MROH9: variants seen among roughly 807,000 people sequenced by gnomAD.
MROH9 encodes maestro heat like repeat family member 9, also known as maestro heat-like repeat-containing protein family member 9.
In MROH9, 92 loss-of-function variants were observed where a neutral mutation model predicts 98.2. The observed-to-expected ratio is 0.94, with a 90% CI of 0.79 to 1.11. The LOEUF (loss-of-function observed/expected upper bound fraction) is 1.11. Among genes scored for constraint, MROH9 ranks in the 50% most tolerant of loss-of-function variants. The probability of loss-of-function intolerance (pLI) is 0.00; values close to 1 mark genes in which losing one functional copy is unlikely to be tolerated. For missense variants in MROH9, 1,057 were observed against 1,014.8 expected (o/e 1.04, Z -0.57); for synonymous variants, 397 against 368.9 (o/e 1.08, Z -0.87).
chr1:171,019,114 T>C lies in MROH9; in HGVS notation c.1908+2778T>C, dbSNP rs568835083. ...CAAAAGAACTGAAATCATAATACAGTCTCTAAAAACACAGTGCAATCACAT... is the reference window on the plus strand; with the variant it reads ...CAAAAGAACTGAAATCATAATACAGCCTCTAAAAACACAGTGCAATCACAT... On this transcript the variant is annotated intron_variant, in intron 17 of 21. Coordinates refer to ENST00000367759, the MANE Select transcript of MROH9 (RefSeq NM_001163629.2). 7.2e-5 allele frequency among the ~76,000 whole-genome samples: 11 copies of C among 152,154 alleles called. No homozygotes were observed. The East Asian group carries it at 1.7e-3, about 24-fold the overall frequency.
In MROH9 at chr1:171,024,386, C is replaced by G; in HGVS notation, c.1909-9C>G. The stretch of plus-strand genomic sequence containing the variant: ...TATTATCCTCAAATAAGGCCTTTGT[C>G]TTTTACAGATTAATGGAGGCATTCG... On this transcript the variant is annotated splice_polypyrimidine_tract_variant and intron_variant, in intron 17 of 21. Transcript: ENST00000367759. 1 of 1,550,060 alleles carries G rather than the reference C, an allele frequency of 6.5e-7. No homozygotes were observed. The highest frequency in any genetic ancestry group is 8.7e-7 in the Non-Finnish European group (1 of 1,146,490).
chr1:170,949,350 G>A (rs1316236549), intron 3 of MROH9, among the ~76,000 whole-genome samples: 1 of 152,054 alleles, frequency 6.6e-6, no homozygotes, highest in Non-Finnish European at 1.5e-5. Flanking sequence ...GACAAAAGGT[G>A]TATCTAGAAT....
intron 12 of MROH9, among the ~76,000 whole-genome samples, chr1:170,993,901 CTATTT>C (rs780710261): frequency 2.6e-5 from 4 of 152,016 alleles, no homozygotes; most frequent in Non-Finnish European, 5.9e-5. Flanking sequence ...ATTTTTCTCT[CTATTT>C]TAAGTTGTCA....
chr1:170,953,861 AAGAG>A (rs142129185), intron 3 of MROH9, among the ~76,000 whole-genome samples: 63 of 135,434 alleles, frequency 4.7e-4, no homozygotes, highest in South Asian at 8.1e-4. Context: ...AAGAGAAAGA[AAGAG>A]AGAGAGAGAG....
chr1:170,977,373 T>A (rs1282391929), intron 8 of MROH9, among the ~76,000 whole-genome samples: 2 of 152,216 alleles, frequency 1.3e-5, no homozygotes, highest in African/African-American at 4.8e-5. Context: ...TTAACTGCAG[T>A]GGAGATTGAG....
At chr1:170,941,957 G>A (rs535185374) in intron 1 of MROH9, among the ~76,000 whole-genome samples, 22 of 152,264 alleles carry the variant, frequency 1.4e-4, no homozygotes, top group Non-Finnish European at 1.6e-4. Context: ...TTTGGTCCAT[G>A]TTTTAGCCAA....
At chr1:171,018,391 T>C (rs1557900319) in intron 17 of MROH9, among the ~76,000 whole-genome samples, 1 of 149,868 alleles carries the variant, frequency 6.7e-6, no homozygotes, top group East Asian at 1.9e-4. Context: ...AAAAACCCTA[T>C]TCAAATGTCA....
At chr1:171,024,303 GGTGTGT>G (rs3077629) in intron 17 of MROH9, 86 bp from the exon 18 acceptor site, 34 of 670,042 alleles carry the variant, frequency 5.1e-5, no homozygotes, top group Admixed American at 4.6e-4. Context: ...ATTTATATGG[GGTGTGT>G]GTGTGTGTGT....
In MROH9 at chr1:170,996,589, T is replaced by A; in HGVS notation, c.1420T>A (p.Trp474Arg). The A allele has an allele frequency of 1.2e-6, 2 of 1,613,662 alleles. No individual in the cohort carries two copies. The change falls in exon 14 of 22, where the codon TGG (tryptophan) becomes AGG (arginine). Residue 474 changes from tryptophan (W) to arginine (R), a missense_variant. Physicochemically the swap from Trp to Arg is moderately radical, Grantham distance 101 (BLOSUM62 -3). Transcript: ENST00000367759. The part of the protein sequence containing the change: ...VDITLMKENF[W>R]DQLSEDLCYY... ...TATTACTCTAATGAAGGAGAATTTCTGGGACCAGTTATCTGAAGATCTGTG... is the reference window on the plus strand; with the variant it reads ...TATTACTCTAATGAAGGAGAATTTCAGGGACCAGTTATCTGAAGATCTGTG...
Position 170,959,496 on chromosome 1 carries a change from T to C in MROH9, c.187T>C (p.Leu63=), listed in dbSNP as rs190370710. 955 of 1,612,736 alleles carry C rather than the reference T, an allele frequency of 5.9e-4. 5 individuals are homozygous for C. The highest frequency in any genetic ancestry group is 4.1e-3 in the Middle Eastern group (25 of 6,056). Residue 63 remains leucine (L), a synonymous_variant, in exon 5 of 22, where the codon TTG becomes CTG. Transcript: ENST00000367759. ...VDPLLQFESQ[L]KIIESSFGML... is the part of the protein sequence containing the mutation. Reference sequence around the variant, plus strand: ...TCCCTTACTGCAGTTTGAATCTCAGTTGAAGATAATAGAGTCATCCTTTGG... The same window carrying C: ...TCCCTTACTGCAGTTTGAATCTCAGCTGAAGATAATAGAGTCATCCTTTGG...
At chr1:170,960,694 C>G (rs968451025) in intron 5 of MROH9, among the ~76,000 whole-genome samples, 5 of 152,216 alleles carry the variant, frequency 3.3e-5, no homozygotes, top group Admixed American at 3.3e-4. Context: ...ACTATCTTGG[C>G]TCACTGCAGT....
chr1:171,038,425 C>A (rs77200101), intron 20 of MROH9, among the ~76,000 whole-genome samples: 3,829 of 152,234 alleles, frequency 0.025, 165 homozygotes, highest in African/African-American at 0.087. Flanking sequence ...ATTACTTTCT[C>A]TAAGAAGAAC....
intron 2 of MROH9, among the ~76,000 whole-genome samples, chr1:170,946,563 C>T (rs1649337819): frequency 6.6e-6 from 1 of 151,772 alleles, no homozygotes; most frequent in Admixed American, 6.6e-5. Flanking sequence ...AAAAATGTGC[C>T]ATGGTTATGT....
intron 15 of MROH9, among the ~76,000 whole-genome samples, chr1:171,000,872 A>G (rs1310161389): frequency 6.6e-6 from 1 of 151,622 alleles, no homozygotes; most frequent in Non-Finnish European, 1.5e-5. Flanking sequence ...CTGGTCCTGG[A>G]CTTTTTTTTG....
At chr1:171,059,939 T>A (rs1195410452) in intron 20 of MROH9, among the ~76,000 whole-genome samples, 1 of 151,864 alleles carries the variant, frequency 6.6e-6, no homozygotes, top group Non-Finnish European at 1.5e-5. Flanking sequence ...AAAATTTTAC[T>A]TAAAATAAAT....
intron 20 of MROH9, among the ~76,000 whole-genome samples, chr1:171,050,315 A>G (rs1653624120): frequency 6.6e-6 from 1 of 152,182 alleles, no homozygotes; most frequent in African/African-American, 2.4e-5. Flanking sequence ...TATGGTAAGA[A>G]ACAGGGATTT....
At chr1:171,035,978 A>C (rs1335339213) in intron 20 of MROH9, among the ~76,000 whole-genome samples, 1 of 152,194 alleles carries the variant, frequency 6.6e-6, no homozygotes, top group African/African-American at 2.4e-5. Context: ...CAGCATTACT[A>C]GTTATAACCC....
At chr1:170,965,684 A>G (rs968187926) in intron 7 of MROH9, among the ~76,000 whole-genome samples, 2 of 152,114 alleles carry the variant, frequency 1.3e-5, no homozygotes, top group East Asian at 3.8e-4. Flanking sequence ...GGTAGAGCAT[A>G]AATCTCCCTT....
intron 14 of MROH9, among the ~76,000 whole-genome samples, chr1:170,997,382 A>T (rs960716373): frequency 6.6e-6 from 1 of 152,168 alleles, no homozygotes; most frequent in African/African-American, 2.4e-5. Context: ...CTAAGAAGTA[A>T]CTTTGGATAT....
Sources: allele counts gnomAD v4.1 joint callset (sites outside exome capture counted in the v4.1 genomes callset), GRCh38; gene constraint gnomAD v4.1.1; transcripts MANE v1.5; gene names NCBI Gene and HGNC (gene_info 2026-07-23, HGNC 2026-07-21).